MSI2: variants seen among roughly 807,000 people sequenced by gnomAD.
The protein encoded by MSI2 is RNA-binding protein Musashi homolog 2.
MSI2 carries 17 observed loss-of-function variants against 45.6 expected under a neutral mutation model. The observed-to-expected ratio is 0.37, with a 90% confidence interval of 0.26 to 0.56. MSI2 has a LOEUF of 0.56. Among genes scored for constraint, MSI2 ranks in the 20% least tolerant of loss-of-function variants. The pLI is 0.77. For synonymous variants in MSI2, 156 were observed against 158.2 expected (o/e 0.99, Z 0.11); for missense variants, 293 against 444.2 (o/e 0.66, Z 3.06).
intron 10 of MSI2, chr17:57,630,002 C>CG (rs1288729677): frequency 2.6e-5 from 4 of 152,312 alleles, no homozygotes; most frequent in Non-Finnish European, 5.9e-5. Context: ...GGGCCTGCCC[C>CG]GGGGCCCCCA....
At chr17:57,587,649 T>C (rs1904424964) in intron 7 of MSI2, among the ~76,000 whole-genome samples, 1 of 150,472 alleles carries the variant, frequency 6.6e-6, no homozygotes, top group Non-Finnish European at 1.5e-5. Context: ...TGTGGGGGAA[T>C]AAAGAAGACC....
chr17:57,455,425 A>G (rs1389595938), intron 6 of MSI2, among the ~76,000 whole-genome samples: 2 of 152,058 alleles, frequency 1.3e-5, no homozygotes, highest in African/African-American at 4.8e-5. Flanking sequence ...GTGAAAACCA[A>G]CTTCCTGTGC....
chr17:57,416,312 A>G (rs2084293303), intron 6 of MSI2, among the ~76,000 whole-genome samples: 1 of 152,206 alleles, frequency 6.6e-6, no homozygotes, highest in Admixed American at 6.5e-5. Flanking sequence ...AGGCAGCTTT[A>G]AAAAGCTAAC....
At chr17:57,443,924 C>T (rs1378396923) in intron 6 of MSI2, among the ~76,000 whole-genome samples, 2 of 152,200 alleles carry the variant, frequency 1.3e-5, no homozygotes, top group African/African-American at 2.4e-5. Context: ...ATGCCTCTCT[C>T]CTCCTGAGTC....
intron 12 of MSI2, among the ~76,000 whole-genome samples, chr17:57,676,276 G>A (rs550306346): frequency 2.0e-5 from 3 of 152,078 alleles, no homozygotes; most frequent in South Asian, 4.2e-4. Context: ...GCACACGCAC[G>A]CACACACGCA....
intron 11 of MSI2, among the ~76,000 whole-genome samples, chr17:57,666,287 C>T (rs541068526): frequency 6.6e-6 from 1 of 152,344 alleles, no homozygotes; most frequent in African/African-American, 2.4e-5. Flanking sequence ...CATTTCCTAG[C>T]TGTTCAAACC....
intron 5 of MSI2, among the ~76,000 whole-genome samples, chr17:57,392,910 A>G (rs1329215212): frequency 1.3e-5 from 2 of 152,134 alleles, no homozygotes; most frequent in African/African-American, 4.8e-5. Context: ...CAAATACCAT[A>G]TAATTCACTC....
intron 6 of MSI2, among the ~76,000 whole-genome samples, chr17:57,428,247 A>G (rs2143355699): frequency 6.6e-6 from 1 of 152,286 alleles, no homozygotes; most frequent in Non-Finnish European, 1.5e-5. Context: ...TTTATGAGAC[A>G]AGGTCTTACT....
chr17:57,358,541 G>A (rs1274665091), intron 5 of MSI2, among the ~76,000 whole-genome samples: 1 of 152,162 alleles, frequency 6.6e-6, no homozygotes, highest in Non-Finnish European at 1.5e-5. Context: ...TGAAAGTGAT[G>A]TATTAGAAAG....
chr17:57,344,601 C>T (rs1194567833), intron 5 of MSI2, among the ~76,000 whole-genome samples: 1 of 152,146 alleles, frequency 6.6e-6, no homozygotes, highest in African/African-American at 2.4e-5. Context: ...GGAGTGTCTT[C>T]GTCTCTAGGC....
intron 5 of MSI2, among the ~76,000 whole-genome samples, chr17:57,390,331 C>T (rs1237072698): frequency 2.6e-5 from 4 of 152,272 alleles, no homozygotes; most frequent in Admixed American, 1.3e-4. Context: ...TCTTACAGAG[C>T]CCTGGCTGCA....
chr17:57,377,118 C>G (rs2083512695), intron 5 of MSI2, among the ~76,000 whole-genome samples: 1 of 152,134 alleles, frequency 6.6e-6, no homozygotes, highest in Admixed American at 6.6e-5. Flanking sequence ...GACGAGGTTT[C>G]ACTGTGTTTA....
intron 8 of MSI2, among the ~76,000 whole-genome samples, chr17:57,605,621 C>T (rs1418916025): frequency 6.6e-6 from 1 of 152,236 alleles, no homozygotes; most frequent in African/African-American, 2.4e-5. Flanking sequence ...AGGGCATGAA[C>T]AGTCTGCGCC....
chr17:57,639,251 G>A (rs1452550651), intron 10 of MSI2, among the ~76,000 whole-genome samples: 1 of 152,214 alleles, frequency 6.6e-6, no homozygotes, highest in Non-Finnish European at 1.5e-5. Context: ...TTTGGAGCAC[G>A]CACAGAAGTT....
chr17:57,351,100 CA>C (rs149457125), intron 5 of MSI2, among the ~76,000 whole-genome samples: 2,785 of 152,174 alleles, frequency 0.018, 72 homozygotes, highest in African/African-American at 0.058. Context: ...ATCACTGCCT[CA>C]ACTTCTCTCT....
chr17:57,501,935 G>A (rs940229114), intron 6 of MSI2, among the ~76,000 whole-genome samples: 13 of 152,184 alleles, frequency 8.5e-5, no homozygotes, highest in South Asian at 2.1e-4. Context: ...GAAACTTATA[G>A]TAGAGACAGT....
At chr17:57,388,146 C>T (rs1209882896) in intron 5 of MSI2, among the ~76,000 whole-genome samples, 4 of 152,158 alleles carry the variant, frequency 2.6e-5, no homozygotes, top group Non-Finnish European at 5.9e-5. Flanking sequence ...AATCATCTTC[C>T]GTCCTTAGAG....
intron 5 of MSI2, among the ~76,000 whole-genome samples, chr17:57,301,767 C>T (rs76254009): frequency 0.018 from 2,352 of 133,252 alleles, 64 homozygotes; most frequent in African/African-American, 0.056. Context: ...CGTGCTGCAG[C>T]GAATATTCTT....
intron 6 of MSI2, among the ~76,000 whole-genome samples, chr17:57,402,335 A>C (rs932749135): frequency 6.6e-6 from 1 of 152,166 alleles, no homozygotes; most frequent in African/African-American, 2.4e-5. Flanking sequence ...TGCGTCCTGC[A>C]TCTTTGAGTA....
Sources: gnomAD v4.1 joint callset for allele counts (sites outside exome capture counted in the v4.1 genomes callset) on GRCh38, gnomAD v4.1.1 for gene constraint, MANE v1.5 for transcripts, NCBI Gene and HGNC (gene_info 2026-07-23, HGNC 2026-07-21) for gene names.